Variants in AFF3 observed in about 807,000 individuals in gnomAD.
AFF3 encodes ALF transcription elongation factor 3, also known as AF4/FMR2 family member 3.
In AFF3, 32 loss-of-function variants were observed where a neutral mutation model predicts 129.7. The ratio of observed to expected loss-of-function variants is 0.25; its 90% CI spans 0.19 to 0.33. The LOEUF (loss-of-function observed/expected upper bound fraction) is 0.33. AFF3 is among the 10% of genes least tolerant of loss of function. The pLI is 1.00. For missense variants in AFF3, 1,373 were observed against 1,592.0 expected (o/e 0.86, Z 2.34); for synonymous variants, 644 against 635.4 (o/e 1.01, Z -0.20).
chr2:99,666,305 G>A (rs1014358620), intron 12 of AFF3, among the ~76,000 whole-genome samples: 1 of 152,086 alleles, frequency 6.6e-6, no homozygotes, highest in Admixed American at 6.5e-5. Flanking sequence ...GGTAATTATA[G>A]GATATTAAGG....
rs564420707 is a variant in AFF3 at position 100,008,405 on chromosome 2, A to T, written c.174+407T>A. On this transcript the variant is annotated intron_variant, in intron 5 of 24. Transcript: ENST00000672756. ...GACTTTCTTTCTCATTAGCCCTAACAGGTACTCTAATCCTAGCGTGATCCA... is the reference window on the plus strand; with the variant it reads ...GACTTTCTTTCTCATTAGCCCTAACTGGTACTCTAATCCTAGCGTGATCCA... Among the ~76,000 whole-genome samples the T allele has an allele frequency of 4.2e-4, 64 of 152,364 alleles. 1 individual carries two copies. Among genetic ancestry groups the T allele is most frequent in the African/African-American group, 1.5e-3 (62 of 41,586 alleles).
intron 11 of AFF3, among the ~76,000 whole-genome samples, chr2:99,700,723 G>C (rs9308828): frequency 0.51 from 77,720 of 152,110 alleles, 19,954 homozygotes; most frequent in East Asian, 0.66. Context: ...GGAAGTTCCA[G>C]AGCTTAGAAC....
At chr2:100,085,013 T>C (rs1201504220) in intron 4 of AFF3, among the ~76,000 whole-genome samples, 12 of 152,116 alleles carry the variant, frequency 7.9e-5, no homozygotes, top group Non-Finnish European at 1.3e-4. Context: ...ACCAAGAAAT[T>C]CGGAAACTGA....
chr2:99,751,817 A>G (rs1280479343), intron 9 of AFF3, among the ~76,000 whole-genome samples: 1 of 152,242 alleles, frequency 6.6e-6, no homozygotes, highest in East Asian at 1.9e-4. Flanking sequence ...ATTCAGGGAA[A>G]TTAAATACCA....
At chr2:99,843,418 T>C (rs985190898) in intron 7 of AFF3, among the ~76,000 whole-genome samples, 1 of 152,124 alleles carries the variant, frequency 6.6e-6, no homozygotes, top group Non-Finnish European at 1.5e-5. Context: ...TCTATATATG[T>C]AGATGAGGAA....
intron 11 of AFF3, among the ~76,000 whole-genome samples, chr2:99,688,521 C>CT (rs1675293231): frequency 6.6e-6 from 1 of 152,204 alleles, no homozygotes; most frequent in Non-Finnish European, 1.5e-5. Context: ...CCTTGGTCTC[C>CT]TTGTCTTGCT....
chr2:100,008,473 G>A (rs1397523333), intron 5 of AFF3, among the ~76,000 whole-genome samples: 1 of 152,126 alleles, frequency 6.6e-6, no homozygotes, highest in Non-Finnish European at 1.5e-5. Context: ...AATAGTGTTT[G>A]TTTCCTACGA....
intron 10 of AFF3, among the ~76,000 whole-genome samples, chr2:99,732,466 T>G (rs954711443): frequency 2.6e-5 from 4 of 152,164 alleles, no homozygotes; most frequent in Admixed American, 2.6e-4. Flanking sequence ...TGGTAGTTGT[T>G]GTTTCTAAAC....
chr2:99,716,317 G>T (rs1678378314), intron 11 of AFF3, among the ~76,000 whole-genome samples: 2 of 152,144 alleles, frequency 1.3e-5, no homozygotes, highest in African/African-American at 4.8e-5. Flanking sequence ...CAATATAAGA[G>T]CTCTGGGATA....
chr2:99,712,471 C>A (rs948228051), intron 11 of AFF3, among the ~76,000 whole-genome samples: 1 of 152,220 alleles, frequency 6.6e-6, no homozygotes, highest in African/African-American at 2.4e-5. Context: ...CCAGTGCATG[C>A]CATTTCCTTC....
At chr2:99,856,585 A>G (rs1424297392) in intron 7 of AFF3, among the ~76,000 whole-genome samples, 1 of 152,224 alleles carries the variant, frequency 6.6e-6, no homozygotes, top group East Asian at 1.9e-4. Context: ...AGTGAGATAA[A>G]TTGATTCTTA....
intron 8 of AFF3, among the ~76,000 whole-genome samples, chr2:99,820,052 A>G (rs1181775312): frequency 6.6e-6 from 1 of 152,242 alleles, no homozygotes; most frequent in Non-Finnish European, 1.5e-5. Flanking sequence ...TAGGTTACAC[A>G]TGAATACACA....
intron 7 of AFF3, among the ~76,000 whole-genome samples, chr2:99,897,014 T>C (rs1440704868): frequency 3.9e-5 from 6 of 152,200 alleles, no homozygotes; most frequent in Non-Finnish European, 7.3e-5. Flanking sequence ...CCCGTGAATT[T>C]TAAAGAAATG....
chr2:99,802,669 A>T (rs1047099843), intron 8 of AFF3, among the ~76,000 whole-genome samples: 4 of 149,290 alleles, frequency 2.7e-5, no homozygotes, highest in Admixed American at 1.4e-4. Flanking sequence ...TCTCTAAAAA[A>T]TAAAAAGTAT....
In AFF3 at chr2:99,593,589, G is replaced by C; in HGVS notation, c.2072C>G (p.Ser691Cys). 1 of 1,613,064 alleles carries C rather than the reference G, an allele frequency of 6.2e-7. No homozygotes were observed. Among genetic ancestry groups the C allele is most frequent in the Non-Finnish European group, 8.5e-7 (1 of 1,179,836 alleles). Residue 691 changes from serine (S) to cysteine (C), a missense_variant, in exon 15 of 25, where the codon TCC becomes TGC. Physicochemically the swap from Ser to Cys is moderately radical, Grantham distance 112 (BLOSUM62 -1). This residue lies in a region of AFF3 where 466 missense variants were observed against 505.0 expected (regional missense o/e 0.92). Coordinates refer to ENST00000672756, the MANE Select transcript of AFF3 (RefSeq NM_001386135.1). ...LESEQEEYPL[S>C]KAQTVAASAS... The stretch of plus-strand genomic sequence containing the variant: ...AGAGGCAGCCACGGTCTGTGCTTTG[G>C]ACAGAGGGTACTCCTCCTGCTCGGA...
intron 4 of AFF3, among the ~76,000 whole-genome samples, chr2:100,022,956 T>A (rs919978471): frequency 6.6e-6 from 1 of 152,214 alleles, no homozygotes; most frequent in African/African-American, 2.4e-5. Context: ...TTTCTCCCCA[T>A]CCTTGATCTC....
intron 11 of AFF3, among the ~76,000 whole-genome samples, chr2:99,714,855 A>C (rs575345385): frequency 2.0e-5 from 3 of 152,374 alleles, no homozygotes; most frequent in African/African-American, 7.2e-5. Context: ...CTAATTAAAA[A>C]ATTTTAATGA....
At chr2:99,829,625 A>G (rs899710974) in intron 8 of AFF3, among the ~76,000 whole-genome samples, 1 of 152,230 alleles carries the variant, frequency 6.6e-6, no homozygotes, top group African/African-American at 2.4e-5. Context: ...TTAAAAAGTC[A>G]GGCAACAGAC....
chr2:99,971,427 C>G (rs1678366306), intron 7 of AFF3, among the ~76,000 whole-genome samples: 1 of 152,190 alleles, frequency 6.6e-6, no homozygotes, highest in African/African-American at 2.4e-5. Context: ...AATATCCAAA[C>G]TCTTCTGGCT....
Sources: allele counts gnomAD v4.1 joint callset (sites outside exome capture counted in the v4.1 genomes callset), GRCh38; gene constraint gnomAD v4.1.1; regional missense constraint gnomAD v4.1.1; transcripts MANE v1.5; gene names NCBI Gene and HGNC (gene_info 2026-07-23, HGNC 2026-07-21).